Variants in KLF12 observed in about 807,000 individuals in gnomAD.
KLF12 encodes the protein KLF transcription factor 12.
A neutral mutation model predicts 37.8 loss-of-function variants in KLF12; 9 were observed. That is an observed-to-expected ratio of 0.24 (90% CI 0.14 to 0.42). The LOEUF (loss-of-function observed/expected upper bound fraction) is 0.42, where lower values mean the gene tolerates loss of function less well. KLF12 is among the 10% of genes least tolerant of loss of function. The pLI is 1.00. For synonymous variants in KLF12, 208 were observed against 202.1 expected (o/e 1.03, Z -0.25); for missense variants, 411 against 516.0 (o/e 0.80, Z 1.97).
At chr13:73,871,289 A>C (rs1320473122) in intron 3 of KLF12, among the ~76,000 whole-genome samples, 1 of 152,074 alleles carries the variant, frequency 6.6e-6, no homozygotes, top group Non-Finnish European at 1.5e-5. Flanking sequence ...GCGTGTCCTG[A>C]AATCAATGAT....
At chr13:74,258,293 G>T in the KLF12 span, 15 of 151,814 alleles carry the variant, frequency 9.9e-5, no homozygotes, top group African/African-American at 3.6e-4. Context: ...AGAGAGAAAG[G>T]GAAACCAGAT....
the KLF12 span, among the ~76,000 whole-genome samples, chr13:74,233,433 G>C: frequency 1.3e-5 from 2 of 151,980 alleles, no homozygotes; most frequent in African/African-American, 4.8e-5. Context: ...AGAGTGCCTC[G>C]GGACAAGTAT....
At chr13:73,732,012 G>C (rs1018884924) in intron 6 of KLF12, among the ~76,000 whole-genome samples, 2 of 151,972 alleles carry the variant, frequency 1.3e-5, no homozygotes, top group Non-Finnish European at 2.9e-5. Flanking sequence ...CTTTGCGTAA[G>C]GAGGTAAATA....
chr13:73,914,710 G>A (rs1430827578), intron 3 of KLF12, among the ~76,000 whole-genome samples: 1 of 152,142 alleles, frequency 6.6e-6, no homozygotes, highest in East Asian at 1.9e-4. Context: ...CTTCAAGAGA[G>A]CTCTCATCTG....
chr13:73,715,447 G>T lies in KLF12; in HGVS notation c.948C>A (p.Ile316=). 3 of 1,614,062 alleles carry T rather than the reference G, an allele frequency of 1.9e-6. No individual in the cohort carries two copies. The highest frequency in any genetic ancestry group is 2.5e-6 in the Non-Finnish European group (3 of 1,179,946). Residue 316 remains isoleucine (I), a synonymous_variant, in exon 7 of 8, where the codon ATC becomes ATA. Transcript: ENST00000377669. ...TGCATCCCTCAAAATCACATCTGTGGATACGCCGTTTTCTGGAGTCTGGGG... is the reference window on the plus strand; with the variant it reads ...TGCATCCCTCAAAATCACATCTGTGTATACGCCGTTTTCTGGAGTCTGGGG...
In KLF12 at chr13:73,866,012, T is replaced by C. The variant is rs941061734; in HGVS notation, c.124-19639A>G. Among the ~76,000 whole-genome samples, 6 of 152,098 alleles carry C rather than the reference T, an allele frequency of 3.9e-5. No homozygotes were observed. The South Asian group carries it at 6.2e-4, about 16-fold the overall frequency. On this transcript the variant is annotated intron_variant, in intron 3 of 7. Coordinates refer to ENST00000377669, the MANE Select transcript of KLF12 (RefSeq NM_007249.5). Reference sequence around the variant, plus strand: ...GGCTCACGCCTATAATCCCAAAACTTTGGGAGGCGGAGGTGGGTGGATCCC... The same window carrying C: ...GGCTCACGCCTATAATCCCAAAACTCTGGGAGGCGGAGGTGGGTGGATCCC...
intron 3 of KLF12, among the ~76,000 whole-genome samples, chr13:73,849,211 T>A (rs1885185240): frequency 1.3e-5 from 2 of 151,852 alleles, no homozygotes; most frequent in Admixed American, 6.6e-5. Flanking sequence ...TTCTTTACTT[T>A]TAGGAAATGG....
chr13:74,130,486 C>G (rs765026310), intron 1 of KLF12, among the ~76,000 whole-genome samples: 1 of 152,066 alleles, frequency 6.6e-6, no homozygotes, highest in African/African-American at 2.4e-5. Context: ...ACAGTTAAGA[C>G]CCCGTGTCTA....
chr13:74,275,698 AC>A, the KLF12 span, among the ~76,000 whole-genome samples: 2 of 146,160 alleles, frequency 1.4e-5, no homozygotes, highest in South Asian at 2.1e-4. Flanking sequence ...TTTGTATATA[AC>A]CTTTTTTTTT....
chr13:74,119,984 A>C (rs73531265), intron 1 of KLF12, among the ~76,000 whole-genome samples: 3,301 of 145,786 alleles, frequency 0.023, 125 homozygotes, highest in African/African-American at 0.075. Context: ...ACATATAGAC[A>C]AAAAAAAAAA....
intron 1 of KLF12, among the ~76,000 whole-genome samples, chr13:74,059,795 TATTTTTG>T: frequency 6.6e-6 from 1 of 152,228 alleles, no homozygotes; most frequent in Non-Finnish European, 1.5e-5. Flanking sequence ...TCCATTTGTC[TATTTTTG>T]ATTTAGTTGC....
chr13:73,944,449 A>AATTCC (rs1890330930), intron 2 of KLF12, among the ~76,000 whole-genome samples: 1 of 152,232 alleles, frequency 6.6e-6, no homozygotes, highest in African/African-American at 2.4e-5. Flanking sequence ...GCATTGTGCA[A>AATTCC]AGATATCCAT....
chr13:74,137,590 A>G (rs1455919598), upstream of KLF12, among the ~76,000 whole-genome samples: 1 of 152,214 alleles, frequency 6.6e-6, no homozygotes, highest in African/African-American at 2.4e-5. Context: ...AGCAGATAAA[A>G]TATCTAATTC....
the KLF12 span, among the ~76,000 whole-genome samples, chr13:74,142,654 G>C: frequency 1.3e-5 from 2 of 152,096 alleles, no homozygotes; most frequent in Non-Finnish European, 2.9e-5. Context: ...AGTCCTCAAA[G>C]CTTTTCGGTG....
At chr13:73,954,897 A>C (rs1411612121) in intron 2 of KLF12, among the ~76,000 whole-genome samples, 2 of 152,190 alleles carry the variant, frequency 1.3e-5, no homozygotes, top group African/African-American at 2.4e-5. Context: ...AATTCATTTC[A>C]CCCAAATATC....
At chr13:74,106,211 T>A (rs764450388) in intron 1 of KLF12, among the ~76,000 whole-genome samples, 1 of 152,208 alleles carries the variant, frequency 6.6e-6, no homozygotes, top group Non-Finnish European at 1.5e-5. Context: ...CTTAAACAGG[T>A]ACCCATCCAA....
intron 1 of KLF12, among the ~76,000 whole-genome samples, chr13:74,037,442 C>T (rs759339783): frequency 2.0e-5 from 3 of 152,096 alleles, no homozygotes; most frequent in African/African-American, 4.8e-5. Context: ...ATCTTTACAA[C>T]CTCAATTATG....
rs1873644145 is a variant in KLF12 at position 73,688,739 on chromosome 13, A to G, written c.*6751T>C. 6.6e-6 allele frequency: 1 copy of G among 152,174 alleles called. No homozygotes were observed. Among genetic ancestry groups the G allele is most frequent in the South Asian group, 2.1e-4 (1 of 4,826 alleles). The allele number at this position is 152,174 out of a possible 1,614,324, so 9.4% of individuals were successfully genotyped here. On this transcript the variant is annotated 3_prime_UTR_variant, in exon 8 of 8. Coordinates refer to ENST00000377669, the MANE Select transcript of KLF12 (RefSeq NM_007249.5). ...CCATTGTTAAGTCATGTGTTATATC[A>G]TGTCCCGATATTTCACTTGAAAAAT...
chr13:73,852,451 C>T (rs1312386464), intron 3 of KLF12, among the ~76,000 whole-genome samples: 1 of 152,166 alleles, frequency 6.6e-6, no homozygotes, highest in Non-Finnish European at 1.5e-5. Flanking sequence ...TTTAATTCAA[C>T]TGCCTTATAT....
Sources: gnomAD v4.1 joint callset for allele counts (sites outside exome capture counted in the v4.1 genomes callset) on GRCh38, gnomAD v4.1.1 for gene constraint, MANE v1.5 for transcripts, NCBI Gene and HGNC (gene_info 2026-07-23, HGNC 2026-07-21) for gene names.